The following OPRM1 variants were observed in gnomAD, a reference collection of about 807,000 sequenced individuals.
The protein encoded by OPRM1 is mu-type opioid receptor.
OPRM1 carries 27 observed loss-of-function variants against 31.8 expected under a neutral mutation model. The ratio of observed to expected loss-of-function variants is 0.85; its 90% confidence interval spans 0.63 to 1.17. The LOEUF (loss-of-function observed/expected upper bound fraction) is 1.17. OPRM1 is among the 50% of genes most tolerant of loss of function. OPRM1 has a pLI of 0.00. For synonymous variants in OPRM1, 196 were observed against 189.9 expected, an observed-to-expected ratio of 1.03 and a Z score of -0.26; for missense variants, 536 against 511.1, an observed-to-expected ratio of 1.05 and a Z score of -0.47.
chr6:154,109,199 G>C (rs1011116851), intron 3 of OPRM1, among the ~76,000 whole-genome samples: 1 of 152,230 alleles, frequency 6.6e-6, no homozygotes, highest in African/African-American at 2.4e-5. Flanking sequence ...CTGGGAAATA[G>C]AAGGCTTAGA....
chr6:154,059,401 A>G (rs1473215892), intron 1 of OPRM1, among the ~76,000 whole-genome samples: 1 of 152,196 alleles, frequency 6.6e-6, no homozygotes, highest in Non-Finnish European at 1.5e-5. Context: ...CGACAGCATC[A>G]TTACTCAATG....
In OPRM1 at chr6:154,041,323, T is replaced by C. The variant is rs373257646; in HGVS notation, c.290+1489T>C. Among the ~76,000 whole-genome samples the C allele has an allele frequency of 4.6e-5, 7 of 152,330 alleles. No individual in the cohort carries two copies. The South Asian group carries it at 1.5e-3, about 32-fold the overall frequency. On this transcript the variant is annotated intron_variant, in intron 1 of 3. Coordinates refer to ENST00000330432, the MANE Select transcript of OPRM1 (RefSeq NM_000914.5). ...AAAAATGCAAGAAGATCGATGGAAG[T>C]ATTTATTTTTAAAAACATTTACTTT...
intron 3 of OPRM1, among the ~76,000 whole-genome samples, chr6:154,165,928 C>T (rs760945451): frequency 2.0e-5 from 3 of 152,230 alleles, no homozygotes; most frequent in African/African-American, 4.8e-5. Context: ...AACTGAGACC[C>T]TCAGTCCAGC....
At chr6:154,187,894 T>C (rs1801527000) in intron 3 of OPRM1, among the ~76,000 whole-genome samples, 1 of 152,008 alleles carries the variant, frequency 6.6e-6, no homozygotes, top group African/African-American at 2.4e-5. Flanking sequence ...GTGGCAGAGG[T>C]GATGAAAAAG....
chr6:154,165,715 C>G (rs1230511911), intron 3 of OPRM1, among the ~76,000 whole-genome samples: 1 of 152,206 alleles, frequency 6.6e-6, no homozygotes, highest in Non-Finnish European at 1.5e-5. Flanking sequence ...AATGAGATGA[C>G]CCAATGACTT....
rs892640330 is a variant in OPRM1 at position 154,127,366 on chromosome 6, C to T, written c.*8645C>T. Among the ~76,000 whole-genome samples the T allele has an allele frequency of 3.9e-5, 6 of 152,138 alleles. No homozygotes were observed. Among genetic ancestry groups the T allele is most frequent in the African/African-American group, 9.7e-5 (4 of 41,420 alleles). On this transcript the variant is annotated 3_prime_UTR_variant, in exon 4 of 4. Transcript: ENST00000330432. ...ATGACCAGTTAGGTGTTTTCAGAAA[C>T]ACCTATGCCCTACTTGCCTACTCTT... is the stretch of plus-strand genomic sequence containing the variant.
chr6:154,087,333 C>G, intron 1 of OPRM1: 1 of 985,464 alleles, frequency 1.0e-6, no homozygotes, highest in Non-Finnish European at 1.2e-6. Context: ...CAGTCCTAAA[C>G]AAAGGGCCTC....
intron 3 of OPRM1, among the ~76,000 whole-genome samples, chr6:154,095,897 T>G (rs1259903007): frequency 6.6e-6 from 1 of 152,168 alleles, no homozygotes; most frequent in Non-Finnish European, 1.5e-5. Context: ...CCTATTGAAC[T>G]CCACTTTGCT....
intron 3 of OPRM1, among the ~76,000 whole-genome samples, chr6:154,101,368 G>A (rs915957433): frequency 2.0e-5 from 3 of 151,960 alleles, no homozygotes; most frequent in African/African-American, 7.3e-5. Context: ...TTTTAAAAAC[G>A]CTCTCCTTGA....
chr6:154,100,111 T>A lies in OPRM1; in HGVS notation c.1164+8639T>A, dbSNP rs1430705324. On this transcript the variant is annotated intron_variant, in intron 3 of 3. Coordinates refer to ENST00000330432, the MANE Select transcript of OPRM1 (RefSeq NM_000914.5). ...TATTATCATATTATGATATATATAT[T>A]ATATATTATCATATTATGACATATA... Among the ~76,000 whole-genome samples, 25 of 53,044 alleles carry A rather than the reference T, an allele frequency of 4.7e-4. 2 individuals carry two copies. Among genetic ancestry groups the A allele is most frequent in the East Asian group, 9.0e-4 (1 of 1,106 alleles). 34.8% of individuals were successfully genotyped at this position (53,044 alleles called of 152,430 possible). A position where few individuals can be genotyped will look rare whatever the true frequency, so the allele number is the denominator to read the frequency against.
intron 3 of OPRM1, among the ~76,000 whole-genome samples, chr6:154,097,534 G>T (rs369459240): frequency 6.6e-6 from 1 of 152,052 alleles, no homozygotes; most frequent in East Asian, 1.9e-4. Flanking sequence ...TTTTGTGAAT[G>T]AAATCAAAAT....
chr6:154,056,568 G>A (rs1783344749), intron 1 of OPRM1, among the ~76,000 whole-genome samples: 2 of 151,604 alleles, frequency 1.3e-5, no homozygotes, highest in South Asian at 4.2e-4. Flanking sequence ...AATAAAGCAA[G>A]CAGAGGATGC....
chr6:154,139,230 T>C (rs531270817), intron 3 of OPRM1, among the ~76,000 whole-genome samples: 5 of 152,358 alleles, frequency 3.3e-5, no homozygotes, highest in Non-Finnish European at 5.9e-5. Context: ...GACCCATTGA[T>C]AGGTTACAAA....
intron 3 of OPRM1, among the ~76,000 whole-genome samples, chr6:154,187,274 C>A (rs1316048151): frequency 3.3e-5 from 5 of 152,162 alleles, no homozygotes; most frequent in Non-Finnish European, 7.3e-5. Context: ...TCTCTCTAAC[C>A]CCCTTGCCCT....
chr6:154,197,601 G>A (rs936391540), intron 3 of OPRM1, among the ~76,000 whole-genome samples: 22 of 152,288 alleles, frequency 1.4e-4, no homozygotes, highest in African/African-American at 5.3e-4. Flanking sequence ...ATAATACCAG[G>A]TTGCTTCATT....
chr6:154,221,353 CAT>C, intron 3 of OPRM1: 1 of 1,599,680 alleles, frequency 6.3e-7, no homozygotes, highest in Non-Finnish European at 8.6e-7. Context: ...AGCACAAACA[CAT>C]AAAAAATTAG....
chr6:154,177,275 A>C (rs1800414225), intron 3 of OPRM1, among the ~76,000 whole-genome samples: 1 of 152,256 alleles, frequency 6.6e-6, no homozygotes, highest in African/African-American at 2.4e-5. Flanking sequence ...AACAAAAGCC[A>C]AAATTGACAA....
chr6:154,179,044 G>C (rs75561240), intron 3 of OPRM1, among the ~76,000 whole-genome samples: 1 of 152,162 alleles, frequency 6.6e-6, no homozygotes, highest in Non-Finnish European at 1.5e-5. Context: ...CCAGGTCCAC[G>C]ACCCAGTCAG....
intron 3 of OPRM1, among the ~76,000 whole-genome samples, chr6:154,171,354 A>G (rs1799853512): frequency 6.6e-6 from 1 of 152,206 alleles, no homozygotes; most frequent in Admixed American, 6.5e-5. Flanking sequence ...GCTAAGTAAA[A>G]GAAGCCAGTC....
Sources: gnomAD v4.1 joint callset for allele counts (sites outside exome capture counted in the v4.1 genomes callset) on GRCh38, gnomAD v4.1.1 for gene constraint, MANE v1.5 for transcripts, NCBI Gene and HGNC (gene_info 2026-07-23, HGNC 2026-07-21) for gene names.